TSC1: variants seen among roughly 807,000 people sequenced by gnomAD.
TSC1 encodes the protein TSC complex subunit 1.
TSC1 carries 20 observed loss-of-function variants against 124.3 expected under a neutral mutation model. The observed-to-expected ratio is 0.16, with a 90% CI of 0.11 to 0.23. The LOEUF is 0.23. Ranked by LOEUF, TSC1 falls within the 10% of genes least tolerant of loss-of-function variation. The pLI, the probability that TSC1 is intolerant of heterozygous loss-of-function variation, is 1.00. For synonymous variants in TSC1, 493 were observed against 539.1 expected (o/e 0.91, Z 1.19); for missense variants, 1,124 against 1,448.5 (o/e 0.78, Z 3.64).
chr9:132,896,535 C>T lies in TSC1; in HGVS notation c.3195G>A (p.Thr1065=), dbSNP rs118203746. 17 of 1,614,074 alleles carry T rather than the reference C, an allele frequency of 1.1e-5. No individual in the cohort carries two copies. Among genetic ancestry groups the T allele is most frequent in the Middle Eastern group, 1.6e-4 (1 of 6,084 alleles). The change falls in exon 23 of 23, where the codon ACG becomes ACA. Residue 1065 remains threonine (T), a synonymous_variant. Transcript: ENST00000298552. The surrounding 1 kb of genome is among the most constrained non-coding windows in gnomAD (Gnocchi z 4.5). ...TGCTGGCAGACGCTTCTCCCATAGT[C>T]GTCTCCCACCGACTGCTGAATGGGC... ...RAGPFSSRWE[T]TMGEASASIP... is the part of the protein sequence containing the mutation.
At position 132,943,317 on chromosome 9, in the gene TSC1, T is replaced by TAA. The variant is rs879587645; in HGVS notation, c.-144+1225_-144+1226insTT. Among the ~76,000 whole-genome samples the TAA allele has an allele frequency of 7.2e-3, 1,101 of 151,932 alleles. 7 individuals carry two copies. The highest frequency in any genetic ancestry group is 0.011 in the Non-Finnish European group (777 of 68,016). On this transcript the variant is annotated intron_variant, in intron 1 of 22. Transcript: ENST00000298552. ...GTTTTATTAAACTATCAAATACTTT[T>TAA]TAGCCTAATTTAGACTAACAAGTTC...
chr9:132,908,452 T>C (rs1845778625), intron 12 of TSC1, among the ~76,000 whole-genome samples: 1 of 152,082 alleles, frequency 6.6e-6, no homozygotes, highest in African/African-American at 2.4e-5. Context: ...TAAACATATG[T>C]GTTGTTGTTT....
chr9:132,898,335 G>A (rs1450216826), intron 20 of TSC1, among the ~76,000 whole-genome samples: 1 of 152,218 alleles, frequency 6.6e-6, no homozygotes, highest in Non-Finnish European at 1.5e-5. Flanking sequence ...AAAGAAGGCG[G>A]AAAGGGTATT....
intron 5 of TSC1, 95 bp downstream of exon 5, chr9:132,925,492 A>G (rs1438973068): frequency 9.2e-6 from 14 of 1,516,494 alleles, no homozygotes; most frequent in Non-Finnish European, 1.2e-5. Flanking sequence ...TTAAACTCTA[A>G]AAGTTAAAAT....
At chr9:132,897,068 C>A (rs927735931) in intron 22 of TSC1, 116 bp downstream of exon 22, 20 of 1,519,418 alleles carry the variant, frequency 1.3e-5, no homozygotes, top group Non-Finnish European at 1.7e-5. Context: ...ACGGAGTGAG[C>A]TGAGTGTTGC....
At chr9:132,909,589 C>T (rs1202284843) in intron 12 of TSC1, among the ~76,000 whole-genome samples, 1 of 152,156 alleles carries the variant, frequency 6.6e-6, no homozygotes, top group African/African-American at 2.4e-5. Flanking sequence ...GCAGTTCTTT[C>T]AAATAAAACT....
Position 132,902,682 on chromosome 9 carries a change from C to A in TSC1, c.2314G>T (p.Val772Leu), listed in dbSNP as rs1468880078. The change falls in exon 18 of 23, where the codon GTA becomes TTA. Residue 772 changes from valine to leucine, a missense_variant. Transcript: ENST00000298552. The surrounding 1 kb of genome is among the most constrained non-coding windows in gnomAD (Gnocchi z 5.2). ...NQLQEQRDTMVTKLHSQIRQL... is the reference protein window; with the variant it reads ...NQLQEQRDTMLTKLHSQIRQL... The stretch of plus-strand genomic sequence containing the variant: ...CTGATCTGGCTGTGGAGCTTGGTTA[C>A]CATAGTGTCACGCTGCTCCTGGAGC... 6.2e-7 allele frequency: 1 copy of A among 1,614,186 alleles called. No individual in the cohort carries two copies. The highest frequency in any genetic ancestry group is 1.3e-5 in the African/African-American group (1 of 75,042).
chr9:132,896,600 CGCTGCT>C lies in TSC1; in HGVS notation c.3124_3129del (p.Ser1042_Ser1043del), dbSNP rs2234980. On this transcript the variant is annotated inframe_deletion, in exon 23 of 23. Transcript: ENST00000298552. This position sits in a 1 kb window ranked among gnomAD's most constrained non-coding sequence, Gnocchi z 4.5. ...GGGGGTTTCTCTGGGGTAGAAAGCT[CGCTGCT>C]GCTGCTGCTGCTGCCTCCACCACCT... The C allele has an allele frequency of 1.2e-6, 2 of 1,613,448 alleles. No individual in the cohort carries two copies. Among genetic ancestry groups the C allele is most frequent in the East Asian group, 2.2e-5 (1 of 44,866 alleles).
Position 132,896,528 on chromosome 9 carries a change from C to T in TSC1, c.3202G>A (p.Gly1068Arg). The change falls in exon 23 of 23, where the codon GGA becomes AGA. Residue 1068 changes from glycine to arginine, a missense_variant. Physicochemically the swap from Gly to Arg is moderately radical, Grantham distance 125. Coordinates refer to ENST00000298552, the MANE Select transcript of TSC1 (RefSeq NM_000368.5). This position sits in a 1 kb window ranked among gnomAD's most constrained non-coding sequence, Gnocchi z 4.5. ...PFSSRWETTM[G>R]EASASIPTTV... ...GTGGGGATGCTGGCAGACGCTTCTC[C>T]CATAGTCGTCTCCCACCGACTGCTG... The T allele has an allele frequency of 1.2e-6, 2 of 1,614,140 alleles. No individual in the cohort carries two copies. Among genetic ancestry groups the T allele is most frequent in the South Asian group, 2.2e-5 (2 of 91,082 alleles).
At chr9:132,922,083 C>A (rs1846600199) in intron 6 of TSC1, 110 bp from the exon 7 acceptor site, 3 of 1,257,386 alleles carry the variant, frequency 2.4e-6, no homozygotes, top group Non-Finnish European at 3.4e-6. Context: ...ATGTATATTC[C>A]CACCTCACTC....
chr9:132,942,262 C>A (rs1440090079), intron 1 of TSC1: 1 of 152,152 alleles, frequency 6.6e-6, no homozygotes, highest in Non-Finnish European at 1.5e-5. Flanking sequence ...TACTTGAAGC[C>A]AGTGGTCCTC....
chr9:132,936,405 C>T (rs1224926559), intron 1 of TSC1, among the ~76,000 whole-genome samples: 2 of 152,228 alleles, frequency 1.3e-5, no homozygotes, highest in African/African-American at 4.8e-5. Context: ...ACGTGAGCCA[C>T]TGCACCTGGC....
Position 132,906,908 on chromosome 9 carries a change from T to C in TSC1, c.1334-73A>G. On this transcript the variant is annotated intron_variant, in intron 13 of 22. Coordinates refer to ENST00000298552, the MANE Select transcript of TSC1 (RefSeq NM_000368.5). This position sits in a 1 kb window ranked among gnomAD's most constrained non-coding sequence, Gnocchi z 4.1. ...CCTGTAAGTGTAAAACTGCTTACAC[T>C]GTATAGAATATGTCTGTAATAACTC... 1.7e-6 allele frequency: 2 copies of C among 1,167,064 alleles called. No homozygotes were observed. Among genetic ancestry groups the C allele is most frequent in the Non-Finnish European group, 2.6e-6 (2 of 781,774 alleles). 72.3% of individuals were successfully genotyped at this position (1,167,064 alleles called of 1,614,324 possible).
intron 1 of TSC1, among the ~76,000 whole-genome samples, chr9:132,942,619 T>C (rs566254515): frequency 1.3e-5 from 2 of 152,292 alleles, no homozygotes; most frequent in South Asian, 2.1e-4. Flanking sequence ...TCTAATTTTA[T>C]GGAAACAAGA....
intron 1 of TSC1, among the ~76,000 whole-genome samples, chr9:132,940,362 A>G (rs370810488): frequency 1.1e-4 from 16 of 152,120 alleles, no homozygotes; most frequent in African/African-American, 3.9e-4. Flanking sequence ...CCAAAATCCC[A>G]TGTCTGTATG....
intron 15 of TSC1, 84 bp from the exon 16 acceptor site, chr9:132,904,538 G>T (rs1034741242): frequency 2.2e-6 from 3 of 1,364,630 alleles, no homozygotes; most frequent in South Asian, 1.2e-5. Flanking sequence ...AGCAAAGTTA[G>T]ATCACTTCCT....
At chr9:132,937,231 G>A (rs868692753) in intron 1 of TSC1, among the ~76,000 whole-genome samples, 12 of 152,126 alleles carry the variant, frequency 7.9e-5, no homozygotes, top group Admixed American at 3.9e-4. Flanking sequence ...ATCACCTGGC[G>A]TCGGGAGTTT....
intron 19 of TSC1, 85 bp downstream of exon 19, chr9:132,901,504 G>T: frequency 8.0e-7 from 1 of 1,242,404 alleles, no homozygotes; most frequent in Non-Finnish European, 1.2e-6. Context: ...AGACACTCAA[G>T]TAATCTATTT....
In TSC1 at chr9:132,907,287, C is replaced by T. The variant is rs371733518; in HGVS notation, c.1333+14G>A. The T allele has an allele frequency of 4.5e-5, 73 of 1,611,784 alleles. 1 individual carries two copies. In the African/African-American group the frequency reaches 5.7e-4, roughly 13 times the overall value. On this transcript the variant is annotated intron_variant, in intron 13 of 22. Transcript: ENST00000298552. ...AAGAGGCAAGCAAGGCCTGTAGTAA[C>T]GCAGAAATTTTACCTGATCCTCTGT...
Sources: gnomAD v4.1 joint callset for allele counts (sites outside exome capture counted in the v4.1 genomes callset) on GRCh38, gnomAD v4.1.1 for gene constraint, Gnocchi (gnomAD v3.1) non-coding constraint, MANE v1.5 for transcripts, NCBI Gene and HGNC (gene_info 2026-07-23, HGNC 2026-07-21) for gene names.